Variants in ZNF275 observed in about 807,000 individuals in gnomAD.
The protein encoded by ZNF275 is zinc finger protein 275.
Under a neutral mutation model 4.3 loss-of-function variants are expected in ZNF275, and 4 were observed. The observed-to-expected ratio is 0.93, with a 90% CI of 0.46 to 2.13. The LOEUF is 2.13. Ranked by LOEUF, ZNF275 falls within the 30% of genes most tolerant of loss-of-function variation. ZNF275 has a pLI of 0.02. For synonymous variants in ZNF275, 173 were observed against 166.9 expected (o/e 1.04, Z -0.28); for missense variants, 352 against 397.1 (o/e 0.89, Z 0.97).
chrX:153,347,361 C>G lies in ZNF275; in HGVS notation c.676C>G (p.Arg226Gly). 8.2e-7 allele frequency: 1 copy of G among 1,212,238 alleles called. No homozygotes were observed. The highest frequency in any genetic ancestry group is 1.1e-6 in the Non-Finnish European group (1 of 895,534). ...GTTCAAAGTCAACACCCACCTCTTCCGACATCAGAAACTTCACACTTCGGA... is the reference window on the plus strand; with the variant it reads ...GTTCAAAGTCAACACCCACCTCTTCGGACATCAGAAACTTCACACTTCGGA... Reference protein sequence around the residue: ...RSFKVNTHLFRHQKLHTSEKP... With the variant: ...RSFKVNTHLFGHQKLHTSEKP... The change falls in exon 4 of 4, where the codon CGA (arginine) becomes GGA (glycine). Residue 226 changes from arginine to glycine, a missense_variant. Physicochemically the swap from Arg to Gly is moderately radical, Grantham distance 125. Transcript: ENST00000650114.
Position 153,351,715 on chromosome X carries a change from C to T in ZNF275, c.*3740C>T, listed in dbSNP as rs1326988232. The T allele has an allele frequency of 4.5e-5, 5 of 112,267 alleles. No homozygotes were observed. The highest frequency in any genetic ancestry group is 7.5e-5 in the Non-Finnish European group (4 of 53,295). 9.3% of individuals were successfully genotyped at this position (112,267 alleles called of 1,213,427 possible). The stretch of plus-strand genomic sequence containing the variant: ...TGATTACCATTTTTGCTGCTTATTA[C>T]GATGAGCTGTGTCCATTAGCTGTGT... On this transcript the variant is annotated 3_prime_UTR_variant, in exon 4 of 4. Transcript: ENST00000650114.
chrX:153,336,367 GA>G (rs1556960584), intron 1 of ZNF275, among the ~76,000 whole-genome samples: 1 of 112,946 alleles, frequency 8.9e-6, no homozygotes, highest in East Asian at 2.8e-4. Context: ...TTTGGGACGG[GA>G]CGGGATGGGC....
intron 2 of ZNF275, among the ~76,000 whole-genome samples, chrX:153,337,355 G>T (rs1556960677): frequency 8.9e-6 from 1 of 111,860 alleles, no homozygotes; most frequent in Non-Finnish European, 1.9e-5. Flanking sequence ...AGTGAGGCAG[G>T]GATGTTCTTA....
chrX:153,350,072 TCTC>T lies in ZNF275; in HGVS notation c.*2100_*2102del, dbSNP rs2088547127. On this transcript the variant is annotated 3_prime_UTR_variant, in exon 4 of 4. Transcript: ENST00000650114. The stretch of plus-strand genomic sequence containing the variant: ...GAGCAGCAGATTCACCCAAGAAACA[TCTC>T]CTTGGACACAAGAAGACTTGCCTAG... The T allele has an allele frequency of 8.1e-6, 1 of 123,815 alleles. No individual in the cohort carries two copies. The highest frequency in any genetic ancestry group is 3.2e-5 in the African/African-American group (1 of 30,949). 10.2% of individuals were successfully genotyped at this position (123,815 alleles called of 1,213,427 possible).
intron 3 of ZNF275, 47 bp from the exon 4 acceptor site, chrX:153,346,772 C>T (rs910745894): frequency 1.8e-6 from 2 of 1,110,338 alleles, no homozygotes; most frequent in Non-Finnish European, 2.4e-6. Context: ...AGGCCCTTCC[C>T]TCCTTCATCC....
In ZNF275 at chrX:153,347,921, C is replaced by T. The variant is rs1556961874; in HGVS notation, c.1236C>T (p.Arg412=). Residue 412 remains arginine, a synonymous_variant, in exon 4 of 4, where the codon CGC becomes CGT. Coordinates refer to ENST00000650114, the MANE Select transcript of ZNF275 (RefSeq NM_001367757.1). The stretch of plus-strand genomic sequence containing the variant: ...GCTGCGAATGCAGCCAGTGTGGCCG[C>T]GTGTTCAAGAGGCGCTCGGCACTGC... The part of the protein sequence containing the change: ...ARRCECSQCG[R]VFKRRSALQK... 6 of 1,168,938 alleles carry T rather than the reference C, an allele frequency of 5.1e-6. No homozygotes were observed. Among genetic ancestry groups the T allele is most frequent in the Non-Finnish European group, 5.7e-6 (5 of 872,424 alleles).
intron 2 of ZNF275, among the ~76,000 whole-genome samples, chrX:153,342,193 T>C (rs2088483877): frequency 8.9e-6 from 1 of 112,497 alleles, no homozygotes; most frequent in Admixed American, 9.4e-5. Flanking sequence ...AATTTTTTTG[T>C]GTGGTATCTA....
rs1233045455 is a variant in ZNF275 at position 153,351,815 on chromosome X, A to G, written c.*3840A>G. On this transcript the variant is annotated 3_prime_UTR_variant, in exon 4 of 4. Transcript: ENST00000650114. The stretch of plus-strand genomic sequence containing the variant: ...ATGTTTTTGAGTGGTGTTGCATTCC[A>G]TGTGCTTGATTTTGTCCTAGAACTG... 9.0e-6 allele frequency: 1 copy of G among 111,702 alleles called. No homozygotes were observed. The highest frequency in any genetic ancestry group is 1.9e-5 in the Non-Finnish European group (1 of 53,174). The allele number at this position is 111,702 out of a possible 1,213,427, so 9.2% of individuals were successfully genotyped here.
rs1224593688 is a variant in ZNF275 at position 153,347,959 on chromosome X, C to A, written c.1274C>A (p.Pro425Gln). 7 of 1,122,935 alleles carry A rather than the reference C, an allele frequency of 6.2e-6. No homozygotes were observed. In the African/African-American group the frequency reaches 1.1e-4, roughly 18 times the overall value. The allele number at this position is 1,122,935 out of a possible 1,213,427, so 92.5% of individuals were successfully genotyped here. The change falls in exon 4 of 4, where the codon CCA becomes CAA. Residue 425 changes from proline (P) to glutamine (Q), a missense_variant. Coordinates refer to ENST00000650114, the MANE Select transcript of ZNF275 (RefSeq NM_001367757.1). ...KRRSALQKHQ[P>Q]THHE ...CGCTCGGCACTGCAGAAGCATCAGCCAACCCACCACGAGTAGAAACGCCCT... is the reference window on the plus strand; with the variant it reads ...CGCTCGGCACTGCAGAAGCATCAGCAAACCCACCACGAGTAGAAACGCCCT...
In ZNF275 at chrX:153,347,711, C is replaced by A. The variant is rs1315818721; in HGVS notation, c.1026C>A (p.Ile342=). 6 of 1,210,023 alleles carry A rather than the reference C, an allele frequency of 5.0e-6. No individual in the cohort carries two copies. Among genetic ancestry groups the A allele is most frequent in the Non-Finnish European group, 6.7e-6 (6 of 894,549 alleles). ...QSSSLLEHAR[I]HSGERPYACG... ...CCAGCCTCCTGGAGCACGCACGCAT[C>A]CACAGTGGCGAGCGGCCCTACGCAT... The change falls in exon 4 of 4, where the codon ATC becomes ATA. Residue 342 remains isoleucine (I), a synonymous_variant. Coordinates refer to ENST00000650114, the MANE Select transcript of ZNF275 (RefSeq NM_001367757.1).
rs781951874 is a variant in ZNF275 at position 153,347,448 on chromosome X, C to T, written c.763C>T (p.His255Tyr). Residue 255 changes from histidine to tyrosine, a missense_variant, in exon 4 of 4, where the codon CAC becomes TAC. Transcript: ENST00000650114. ...CCTGGATCGCCAGGAGCTTCTCAAG[C>T]ACCAGCGCATGCACACTGGCCACCT... ...DFLDRQELLK[H>Y]QRMHTGHLPF... 8.3e-7 allele frequency: 1 copy of T among 1,211,129 alleles called. No individual in the cohort carries two copies. The highest frequency in any genetic ancestry group is 1.8e-5 in the South Asian group (1 of 56,795).
intron 3 of ZNF275, among the ~76,000 whole-genome samples, chrX:153,346,436 G>A (rs1485404648): frequency 9.3e-6 from 1 of 107,278 alleles, no homozygotes; most frequent in Non-Finnish European, 1.9e-5. Flanking sequence ...TTCTAGTTAG[G>A]GTTTGGGGCC....
chrX:153,347,844 C>T lies in ZNF275; in HGVS notation c.1159C>T (p.Arg387Cys), dbSNP rs782570695. 13 of 1,207,398 alleles carry T rather than the reference C, an allele frequency of 1.1e-5. No individual in the cohort carries two copies. The African/African-American group carries it at 1.2e-4, about 11-fold the overall frequency. ...YECDKCGKAFRRSSGLSRHRR... is the reference protein window; with the variant it reads ...YECDKCGKAFCRSSGLSRHRR... ...GTGCGACAAATGCGGCAAGGCCTTC[C>T]GCCGGAGCTCCGGCCTCAGTCGCCA... The change falls in exon 4 of 4, where the codon CGC becomes TGC. Residue 387 changes from arginine (R) to cysteine (C), a missense_variant. Physicochemically the swap from Arg to Cys is radical, Grantham distance 180. Transcript: ENST00000650114.
chrX:153,349,357 G>C lies in ZNF275; in HGVS notation c.*1382G>C. Reference sequence around the variant, plus strand: ...CTTGTCAATTCCAGAACTGGGGATAGACCCCAGGCCTCCTGACCACCAGTC... The same window carrying C: ...CTTGTCAATTCCAGAACTGGGGATACACCCCAGGCCTCCTGACCACCAGTC... On this transcript the variant is annotated 3_prime_UTR_variant, in exon 4 of 4. Coordinates refer to ENST00000650114, the MANE Select transcript of ZNF275 (RefSeq NM_001367757.1). 8.0e-6 allele frequency: 1 copy of C among 125,286 alleles called. No individual in the cohort carries two copies. The allele number at this position is 125,286 out of a possible 1,213,427, so 10.3% of individuals were successfully genotyped here. A position where few individuals can be genotyped will look rare whatever the true frequency, so the allele number is the denominator to read the frequency against.
rs781853602 is a variant in ZNF275, at chrX:153,346,856, A to T, written c.171A>T (p.Glu57Asp). Residue 57 changes from glutamate (E) to aspartate (D), a missense_variant, in exon 4 of 4, where the codon GAA becomes GAT. Glu to Asp is a conservative substitution (Grantham distance 45). Transcript: ENST00000650114. ...CGACCCGACACCAGATGAAGGGGGA[A>T]GATGCCCAGCCACAGGAGATGGCGT... ...TSATRHQMKGEDAQPQEMAST... is the reference protein window; with the variant it reads ...TSATRHQMKGDDAQPQEMAST... 1 of 1,203,825 alleles carries T rather than the reference A, an allele frequency of 8.3e-7. No individual in the cohort carries two copies. The highest frequency in any genetic ancestry group is 1.1e-6 in the Non-Finnish European group (1 of 891,354).
At chrX:153,344,841 T>C in intron 2 of ZNF275, 1 of 353,935 alleles carries the variant, frequency 2.8e-6, no homozygotes, top group Non-Finnish European at 5.5e-6. Context: ...AGGGGACACA[T>C]GGCTACCCCC....
At chrX:153,342,947 G>A (rs1482961936) in intron 2 of ZNF275, among the ~76,000 whole-genome samples, 2 of 112,459 alleles carry the variant, frequency 1.8e-5, no homozygotes, top group African/African-American at 3.2e-5. Flanking sequence ...TCAACTTGGC[G>A]AAGCCACTAA....
rs1285580710 is a variant in ZNF275 at position 153,349,661 on chromosome X, G to A, written c.*1686G>A. The A allele has an allele frequency of 8.1e-6, 1 of 123,550 alleles. No individual in the cohort carries two copies. The highest frequency in any genetic ancestry group is 1.9e-5 in the Non-Finnish European group (1 of 53,360). The allele number at this position is 123,550 out of a possible 1,213,427, so 10.2% of individuals were successfully genotyped here. ...ATAACTTTCATTGCTTCTGTAGCTA[G>A]ATATGATGACATTTTCTCTAGAATT... On this transcript the variant is annotated 3_prime_UTR_variant, in exon 4 of 4. Transcript: ENST00000650114.
At position 153,345,588 on chromosome X, in the gene ZNF275, C is replaced by A. The variant is rs781877476; in HGVS notation, c.100C>A (p.Pro34Thr). 8.3e-7 allele frequency: 1 copy of A among 1,209,175 alleles called. No individual in the cohort carries two copies. Among genetic ancestry groups the A allele is most frequent in the Non-Finnish European group, 1.1e-6 (1 of 894,116 alleles). Reference protein sequence around the residue: ...AQGQVLLVSDPSPNTDPAKYS... With the variant: ...AQGQVLLVSDTSPNTDPAKYS... ...AGGACAAGTGCTACTGGTGTCAGAC[C>A]CATCGCCCAACACTGATCCTGCTAA... The change falls in exon 3 of 4, where the codon CCA (proline) becomes ACA (threonine). Residue 34 changes from proline (P) to threonine (T), a missense_variant. By Grantham distance (38) the Pro-to-Thr change is conservative. Coordinates refer to ENST00000650114, the MANE Select transcript of ZNF275 (RefSeq NM_001367757.1).
Sources: allele counts gnomAD v4.1 joint callset (sites outside exome capture counted in the v4.1 genomes callset), GRCh38; gene constraint gnomAD v4.1.1; transcripts MANE v1.5; gene names NCBI Gene and HGNC (gene_info 2026-07-23, HGNC 2026-07-21).